Variants in RGS6 observed in about 807,000 individuals in gnomAD.
RGS6 encodes the protein regulator of G protein signaling 6, also known as regulator of G-protein signaling 6.
In RGS6, 30 loss-of-function variants were observed where a neutral mutation model predicts 78.5. That is an observed-to-expected ratio of 0.38 (90% CI 0.29 to 0.52). The LOEUF is 0.52. Among genes scored for constraint, RGS6 ranks in the 20% least tolerant of loss-of-function variants. The pLI, the probability that RGS6 is intolerant of heterozygous loss-of-function variation, is 0.85. For missense variants in RGS6, 495 were observed against 609.7 expected, an observed-to-expected ratio of 0.81 and a Z score of 1.98; for synonymous variants, 206 against 206.0, an observed-to-expected ratio of 1.00 and a Z score of 0.00.
chr14:72,432,505 T>C (rs2094693015), intron 3 of RGS6, among the ~76,000 whole-genome samples: 1 of 152,206 alleles, frequency 6.6e-6, no homozygotes, highest in Non-Finnish European at 1.5e-5. Flanking sequence ...GGAAGGATCA[T>C]GGAAGAGAGA....
At chr14:72,515,463 C>T (rs2096929834) in intron 14 of RGS6, among the ~76,000 whole-genome samples, 1 of 152,202 alleles carries the variant, frequency 6.6e-6, no homozygotes, top group African/African-American at 2.4e-5. Context: ...GCCAGGAGTT[C>T]AAGACCAGCC....
intron 2 of RGS6, among the ~76,000 whole-genome samples, chr14:72,125,369 G>T (rs2096163529): frequency 6.6e-6 from 1 of 152,118 alleles, no homozygotes; most frequent in Admixed American, 6.6e-5. Flanking sequence ...TGCGTGTACT[G>T]GTGAGTTGGC....
chr14:71,948,738 C>CTTTTTTTTTTTTTTTTT (rs766352167), intron 1 of RGS6, among the ~76,000 whole-genome samples: 3 of 75,220 alleles, frequency 4.0e-5, no homozygotes, highest in Admixed American at 1.6e-4. Flanking sequence ...CTCTCTCTCT[C>CTTTTTTTTTTTTTTTTT]TCTTTTTTTT....
intron 13 of RGS6, among the ~76,000 whole-genome samples, chr14:72,496,365 G>C (rs999649745): frequency 6.6e-5 from 10 of 152,190 alleles, no homozygotes; most frequent in East Asian, 1.9e-4. Context: ...AGATGGTTCA[G>C]TTTCAACATT....
intron 2 of RGS6, among the ~76,000 whole-genome samples, chr14:72,200,986 AAGAAG>A (rs2041422115): frequency 6.9e-6 from 1 of 145,710 alleles, no homozygotes; most frequent in Non-Finnish European, 1.5e-5. Context: ...AAAAAAAAAA[AAGAAG>A]AAGAAAAGAA....
At chr14:72,093,610 CACATA>C (rs988112782) in intron 2 of RGS6, among the ~76,000 whole-genome samples, 2 of 152,106 alleles carry the variant, frequency 1.3e-5, no homozygotes, top group African/African-American at 4.8e-5. Context: ...TTTTTCCCCC[CACATA>C]ACATGTTTTA....
chr14:72,475,206 T>TG (rs2096207790), intron 10 of RGS6, among the ~76,000 whole-genome samples: 2 of 71,392 alleles, frequency 2.8e-5, no homozygotes, highest in East Asian at 6.5e-4. Context: ...ATGGTTTTTT[T>TG]TTTTTTTTTT....
intron 2 of RGS6, among the ~76,000 whole-genome samples, chr14:72,266,761 A>G (rs1313097072): frequency 6.6e-6 from 1 of 152,142 alleles, no homozygotes. Context: ...TAGGGGTGTC[A>G]GGTTGGAAGT....
chr14:72,507,736 C>G (rs966754809), intron 13 of RGS6, among the ~76,000 whole-genome samples: 1 of 152,192 alleles, frequency 6.6e-6, no homozygotes, highest in African/African-American at 2.4e-5. Context: ...GCAGTCACTA[C>G]AAAGTCTGAG....
At chr14:72,119,224 A>C (rs2095985984) in intron 2 of RGS6, among the ~76,000 whole-genome samples, 1 of 152,204 alleles carries the variant, frequency 6.6e-6, no homozygotes, top group African/African-American at 2.4e-5. Context: ...CTGGAGCATG[A>C]CTAGATAGGA....
At chr14:72,624,333 C>CTT in the RGS6 span, among the ~76,000 whole-genome samples, 282 of 97,774 alleles carry the variant, frequency 2.9e-3, 4 homozygotes, top group East Asian at 6.5e-3. Context: ...ACCTATGTCT[C>CTT]TTTTTTTTTT....
chr14:72,342,514 C>G (rs552765749), intron 2 of RGS6, among the ~76,000 whole-genome samples: 1 of 150,252 alleles, frequency 6.7e-6, no homozygotes, highest in South Asian at 2.1e-4. Context: ...GAGCCAAGAT[C>G]AGGCCACTGT....
At chr14:71,909,349 C>T in the RGS6 span, among the ~76,000 whole-genome samples, 19 of 152,128 alleles carry the variant, frequency 1.2e-4, no homozygotes, top group East Asian at 1.9e-4. Flanking sequence ...ACCCTCTCTT[C>T]GGGCAACAGA....
rs900158691 is a variant in RGS6, at chr14:72,122,068, C to G, written c.84+157193C>G. ...CCCAAAATGTCAGTAGTGCCAAGAT[C>G]GAGAAGCCCTTCTCTAGATTATACT... On this transcript the variant is annotated intron_variant, in intron 2 of 17. Transcript: ENST00000553525. Among the ~76,000 whole-genome samples, 17 of 152,100 alleles carry G rather than the reference C, an allele frequency of 1.1e-4. No homozygotes were observed. The East Asian group carries it at 2.1e-3, about 19-fold the overall frequency.
rs60892862 is a variant in RGS6 at position 72,300,184 on chromosome 14, C to CTT, written c.85-51902_85-51901dup. Reference sequence around the variant, plus strand: ...ATAGTAGCTTTTACTTTTTCTCTATCTTTTTTTTTTCTGATACTATTGATT... The same window carrying CTT: ...ATAGTAGCTTTTACTTTTTCTCTATCTTTTTTTTTTTTCTGATACTATTGATT... On this transcript the variant is annotated intron_variant, in intron 2 of 17. Coordinates refer to ENST00000553525, the MANE Select transcript of RGS6 (RefSeq NM_001204424.2). Among the ~76,000 whole-genome samples the CTT allele has an allele frequency of 2.7e-5, 4 of 149,442 alleles. No homozygotes were observed. In the South Asian group the frequency reaches 8.4e-4, roughly 32 times the overall value.
intron 12 of RGS6, among the ~76,000 whole-genome samples, chr14:72,484,269 A>G (rs2096445073): frequency 6.6e-6 from 1 of 152,214 alleles, no homozygotes; most frequent in African/African-American, 2.4e-5. Flanking sequence ...GTCGTATCCC[A>G]TAATGCTTTA....
At chr14:71,910,524 C>G in the RGS6 span, among the ~76,000 whole-genome samples, 8 of 152,226 alleles carry the variant, frequency 5.3e-5, no homozygotes, top group Non-Finnish European at 1.2e-4. Context: ...GTTTCTCTGG[C>G]ATTGCTGTGC....
intron 2 of RGS6, among the ~76,000 whole-genome samples, chr14:72,128,862 A>G (rs1254122327): frequency 6.6e-6 from 1 of 152,196 alleles, no homozygotes; most frequent in African/African-American, 2.4e-5. Context: ...AGAGACACAC[A>G]GCGACCAGCC....
chr14:72,248,807 T>C (rs964278730), intron 2 of RGS6, among the ~76,000 whole-genome samples: 8 of 152,234 alleles, frequency 5.3e-5, no homozygotes, highest in African/African-American at 1.9e-4. Context: ...TTCTGCATTT[T>C]AGTAAGATCA....
Sources: gnomAD v4.1 joint callset for allele counts (sites outside exome capture counted in the v4.1 genomes callset) on GRCh38, gnomAD v4.1.1 for gene constraint, MANE v1.5 for transcripts, NCBI Gene and HGNC (gene_info 2026-07-23, HGNC 2026-07-21) for gene names.